Variants in RBMS3 observed in about 807,000 individuals in gnomAD.
The protein encoded by RBMS3 is RNA-binding motif, single-stranded-interacting protein 3.
RBMS3 carries 27 observed loss-of-function variants against 66.8 expected under a neutral mutation model. That is an observed-to-expected ratio of 0.40 (90% CI 0.30 to 0.56). The LOEUF (loss-of-function observed/expected upper bound fraction) is 0.56. Ranked by LOEUF, RBMS3 falls within the 20% of genes least tolerant of loss-of-function variation. The pLI is 0.40. For synonymous variants in RBMS3, 188 were observed against 183.0 expected, an observed-to-expected ratio of 1.03 and a Z score of -0.22; for missense variants, 513 against 549.5, an observed-to-expected ratio of 0.93 and a Z score of 0.66.
intron 1 of RBMS3, among the ~76,000 whole-genome samples, chr3:29,398,412 T>C (rs1353008879): frequency 6.6e-6 from 1 of 152,160 alleles, no homozygotes; most frequent in East Asian, 1.9e-4. Flanking sequence ...TCTCTGGTCA[T>C]CAGGAAGGTC....
At chr3:29,581,108 T>G (rs2047313969) in intron 3 of RBMS3, among the ~76,000 whole-genome samples, 2 of 152,192 alleles carry the variant, frequency 1.3e-5, no homozygotes, top group African/African-American at 4.8e-5. Flanking sequence ...TCTTTTGCCT[T>G]TATTTTTTCA....
intron 1 of RBMS3, among the ~76,000 whole-genome samples, chr3:29,390,347 A>G (rs556887728): frequency 2.0e-5 from 3 of 152,216 alleles, no homozygotes; most frequent in African/African-American, 7.2e-5. Context: ...AAAAAGTTCT[A>G]TTGCTACATA....
chr3:29,552,918 T>C (rs994918063), intron 3 of RBMS3, among the ~76,000 whole-genome samples: 1 of 152,160 alleles, frequency 6.6e-6, no homozygotes, highest in African/African-American at 2.4e-5. Context: ...TCAATGAAGC[T>C]ATATGACCCT....
At chr3:29,423,403 CAGGGG>C (rs1270586652) in intron 1 of RBMS3, among the ~76,000 whole-genome samples, 8 of 152,074 alleles carry the variant, frequency 5.3e-5, no homozygotes, top group African/African-American at 1.9e-4. Context: ...CATGTTTGGT[CAGGGG>C]AGGTATCAGT....
At chr3:29,725,334 A>G (rs752820472) in intron 4 of RBMS3, among the ~76,000 whole-genome samples, 1 of 152,210 alleles carries the variant, frequency 6.6e-6, no homozygotes, top group Non-Finnish European at 1.5e-5. Context: ...TAAAAATTCA[A>G]AAGCTAACAG....
At chr3:29,648,902 A>G (rs2050043685) in intron 4 of RBMS3, among the ~76,000 whole-genome samples, 1 of 152,188 alleles carries the variant, frequency 6.6e-6, no homozygotes, top group Admixed American at 6.5e-5. Flanking sequence ...TATCCAGTAC[A>G]GCAGAACAAA....
chr3:29,637,277 T>C (rs1265799254), intron 4 of RBMS3, among the ~76,000 whole-genome samples: 1 of 151,874 alleles, frequency 6.6e-6, no homozygotes, highest in Admixed American at 6.6e-5. Flanking sequence ...TCTGGATTTC[T>C]TGGTGGTTTT....
At chr3:29,938,685 GA>G (rs2061324404) in intron 11 of RBMS3, among the ~76,000 whole-genome samples, 1 of 151,834 alleles carries the variant, frequency 6.6e-6, no homozygotes, top group African/African-American at 2.4e-5. Context: ...GTTGATTTTG[GA>G]AAATCAGATT....
intron 1 of RBMS3, among the ~76,000 whole-genome samples, chr3:29,410,470 C>T (rs1036892125): frequency 9.9e-5 from 15 of 152,216 alleles, no homozygotes; most frequent in African/African-American, 2.6e-4. Context: ...CTGTTCGTTC[C>T]GTGACACTTT....
At chr3:29,427,798 A>C (rs1042216100) in intron 1 of RBMS3, among the ~76,000 whole-genome samples, 3 of 152,134 alleles carry the variant, frequency 2.0e-5, no homozygotes, top group African/African-American at 7.2e-5. Flanking sequence ...GAGCTACTCC[A>C]AAACCACCAG....
At chr3:29,969,413 G>A (rs767070337) in intron 12 of RBMS3, among the ~76,000 whole-genome samples, 3 of 152,184 alleles carry the variant, frequency 2.0e-5, no homozygotes, top group Non-Finnish European at 4.4e-5. Context: ...AAAGCCAATA[G>A]CAAGAGCTGC....
At chr3:29,692,114 T>C (rs1385669974) in intron 4 of RBMS3, among the ~76,000 whole-genome samples, 1 of 151,668 alleles carries the variant, frequency 6.6e-6, no homozygotes, top group Non-Finnish European at 1.5e-5. Context: ...CCCAAGTAGC[T>C]GGGATTACAG....
Position 29,559,552 on chromosome 3 carries a change from A to C in RBMS3, c.308-27562A>C, listed in dbSNP as rs964092892. On this transcript the variant is annotated intron_variant, in intron 3 of 14. Transcript: ENST00000383767. Reference sequence around the variant, plus strand: ...AAAAAAAAAAAAAAAAAAAAAAAAAAACCTGACTATTCATGTTAGTACTTT... The same window carrying C: ...AAAAAAAAAAAAAAAAAAAAAAAAACACCTGACTATTCATGTTAGTACTTT... Among the ~76,000 whole-genome samples, 9 of 142,768 alleles carry C rather than the reference A, an allele frequency of 6.3e-5. No homozygotes were observed. In the South Asian group the frequency reaches 2.0e-3, roughly 32 times the overall value. The allele number at this position is 142,768 out of a possible 152,430, so 93.7% of individuals were successfully genotyped here.
intron 1 of RBMS3, among the ~76,000 whole-genome samples, chr3:29,422,978 C>T (rs1206612184): frequency 6.6e-6 from 1 of 152,184 alleles, no homozygotes; most frequent in Non-Finnish European, 1.5e-5. Flanking sequence ...AGCAACAAAA[C>T]TATTTTATGT....
intron 4 of RBMS3, among the ~76,000 whole-genome samples, chr3:29,666,475 G>A (rs2050764926): frequency 6.6e-6 from 1 of 151,998 alleles, no homozygotes; most frequent in Non-Finnish European, 1.5e-5. Context: ...ATTTTCACAG[G>A]GCTTTCAGAC....
chr3:29,522,014 C>A (rs1005753087), intron 3 of RBMS3, among the ~76,000 whole-genome samples: 1 of 152,148 alleles, frequency 6.6e-6, no homozygotes, highest in African/African-American at 2.4e-5. Flanking sequence ...TTAACATAAT[C>A]CAGTTCATTT....
chr3:29,985,986 G>A (rs1241452670), intron 12 of RBMS3, among the ~76,000 whole-genome samples: 1 of 152,164 alleles, frequency 6.6e-6, no homozygotes, highest in African/African-American at 2.4e-5. Context: ...GTGGAGTGGG[G>A]ATGGACCAGA....
chr3:29,329,663 G>T (rs2035536256), intron 1 of RBMS3, among the ~76,000 whole-genome samples: 2 of 151,758 alleles, frequency 1.3e-5, no homozygotes, highest in Admixed American at 1.3e-4. Context: ...AGAAAATGAA[G>T]TATTTTGATG....
intron 6 of RBMS3, among the ~76,000 whole-genome samples, chr3:29,854,788 C>T (rs1487849737): frequency 1.3e-5 from 2 of 152,102 alleles, no homozygotes; most frequent in Non-Finnish European, 2.9e-5. Context: ...ACAAAGTCAA[C>T]CCTTGTTAAA....
Sources: allele counts gnomAD v4.1 joint callset (sites outside exome capture counted in the v4.1 genomes callset), GRCh38; gene constraint gnomAD v4.1.1; transcripts MANE v1.5; gene names NCBI Gene and HGNC (gene_info 2026-07-23, HGNC 2026-07-21).